ABCB5: variants seen among roughly 807,000 people sequenced by gnomAD.
The protein encoded by ABCB5 is ATP binding cassette subfamily B member 5.
A neutral mutation model predicts 144.2 loss-of-function variants in ABCB5; 155 were observed. The observed-to-expected ratio is 1.08, with a 90% CI of 0.94 to 1.23. The LOEUF (loss-of-function observed/expected upper bound fraction) is 1.23. Ranked by LOEUF, ABCB5 falls within the 50% of genes most tolerant of loss-of-function variation. The pLI, the probability that ABCB5 is intolerant of heterozygous loss-of-function variation, is 0.00. For missense variants in ABCB5, 1,830 were observed against 1,520.8 expected (o/e 1.20, Z -3.38); for synonymous variants, 610 against 528.6 (o/e 1.15, Z -2.11).
chr7:20,717,360 C>A (rs1400511650), intron 20 of ABCB5, among the ~76,000 whole-genome samples: 1 of 151,720 alleles, frequency 6.6e-6, no homozygotes, highest in East Asian at 1.9e-4. Context: ...AGGGCCTTGG[C>A]TTGTAGTTGG....
At chr7:20,618,264 C>A (rs1014519610) in intron 1 of ABCB5, among the ~76,000 whole-genome samples, 3 of 152,130 alleles carry the variant, frequency 2.0e-5, no homozygotes, top group Non-Finnish European at 4.4e-5. Flanking sequence ...GATTTGCCTG[C>A]TCTAGGCACT....
rs552222606 is a variant in ABCB5 at position 20,671,318 on chromosome 7, T to C, written c.1708-10187T>C. Among the ~76,000 whole-genome samples, 9 of 152,234 alleles carry C rather than the reference T, an allele frequency of 5.9e-5. No homozygotes were observed. The South Asian group carries it at 1.9e-3, about 31-fold the overall frequency. On this transcript the variant is annotated intron_variant, in intron 14 of 27. Coordinates refer to ENST00000404938, the MANE Select transcript of ABCB5 (RefSeq NM_001163941.2). ...TTCTTTTATTTGACTTTGATTTTTGTTTTTAACAGTTTTTTGAGGTTTCAT... is the reference window on the plus strand; with the variant it reads ...TTCTTTTATTTGACTTTGATTTTTGCTTTTAACAGTTTTTTGAGGTTTCAT...
At chr7:20,665,655 C>T (rs1059006) in intron 14 of ABCB5, among the ~76,000 whole-genome samples, 28,044 of 151,366 alleles carry the variant, frequency 0.19, 2,650 homozygotes, top group East Asian at 0.23. Context: ...CAGGTAGGGC[C>T]GTACCCCCAA....
intron 16 of ABCB5, among the ~76,000 whole-genome samples, chr7:20,690,650 G>A (rs1277590452): frequency 6.6e-6 from 1 of 152,118 alleles, no homozygotes; most frequent in Non-Finnish European, 1.5e-5. Flanking sequence ...GATGGAGGCT[G>A]AATAATGAAC....
At chr7:20,736,915 C>A (rs35621824) in intron 23 of ABCB5, among the ~76,000 whole-genome samples, 53,083 of 151,974 alleles carry the variant, frequency 0.35, 9,900 homozygotes, top group East Asian at 0.57. Flanking sequence ...CTAGGCCGGG[C>A]GCAGTGGCTC....
intron 1 of ABCB5, among the ~76,000 whole-genome samples, chr7:20,617,780 C>T (rs1022805042): frequency 6.6e-6 from 1 of 151,946 alleles, no homozygotes; most frequent in African/African-American, 2.4e-5. Flanking sequence ...AGAGATAATC[C>T]TGCAAATATT....
At chr7:20,712,111 G>A (rs1787094402) in intron 20 of ABCB5, among the ~76,000 whole-genome samples, 1 of 134,150 alleles carries the variant, frequency 7.5e-6, no homozygotes, top group Non-Finnish European at 1.6e-5. Flanking sequence ...CATGCTGGCA[G>A]GCACCTGTAG....
chr7:20,665,018 T>C (rs180951159), intron 14 of ABCB5, among the ~76,000 whole-genome samples: 1 of 152,338 alleles, frequency 6.6e-6, no homozygotes, highest in East Asian at 1.9e-4. Flanking sequence ...ATTCTTAACC[T>C]TCATGTTAAC....
At chr7:20,716,983 C>A (rs1026475756) in intron 20 of ABCB5, among the ~76,000 whole-genome samples, 1 of 152,142 alleles carries the variant, frequency 6.6e-6, no homozygotes, top group Non-Finnish European at 1.5e-5. Context: ...AAACACCTAC[C>A]GACAAAGCCC....
At chr7:20,693,333 C>A (rs551471886) in intron 16 of ABCB5, among the ~76,000 whole-genome samples, 1 of 151,660 alleles carries the variant, frequency 6.6e-6, no homozygotes, top group South Asian at 2.1e-4. Context: ...ATTACCGTAC[C>A]CCATGTTGGG....
At chr7:20,732,983 G>T (rs1375895925) in intron 23 of ABCB5, among the ~76,000 whole-genome samples, 3 of 152,094 alleles carry the variant, frequency 2.0e-5, no homozygotes, top group East Asian at 3.8e-4. Context: ...TCTTTACTCA[G>T]TTTTAAGTAT....
intron 7 of ABCB5, among the ~76,000 whole-genome samples, chr7:20,644,616 A>G (rs766040985): frequency 7.9e-5 from 12 of 152,202 alleles, no homozygotes; most frequent in Admixed American, 5.2e-4. Flanking sequence ...CTGTAATATT[A>G]TTCTTCAAAT....
At chr7:20,731,369 A>AAAAAAAAAAAAAAATATAT (rs57305244) in intron 23 of ABCB5, among the ~76,000 whole-genome samples, 9 of 123,066 alleles carry the variant, frequency 7.3e-5, no homozygotes, top group African/African-American at 3.0e-4. Context: ...AAAAAAAAAA[A>AAAAAAAAAAAAAAATATAT]ATATATATAT....
intron 14 of ABCB5, among the ~76,000 whole-genome samples, chr7:20,663,854 T>C (rs1170617675): frequency 6.6e-6 from 1 of 151,950 alleles, no homozygotes; most frequent in Non-Finnish European, 1.5e-5. Context: ...TAGCTGGGAT[T>C]ACAGGCACAC....
intron 14 of ABCB5, among the ~76,000 whole-genome samples, chr7:20,674,305 T>A (rs531638048): frequency 6.6e-6 from 1 of 151,972 alleles, no homozygotes; most frequent in African/African-American, 2.4e-5. Context: ...ACAGTCCCAC[T>A]ACTGATGAAT....
chr7:20,679,471 CAAAAAAAA>C (rs768696376), intron 14 of ABCB5, among the ~76,000 whole-genome samples: 1 of 59,454 alleles, frequency 1.7e-5, no homozygotes, highest in African/African-American at 8.3e-5. Context: ...AACTCCATCT[CAAAAAAAA>C]AAAAAAAGAG....
At chr7:20,717,863 GGTAACATTCTT>G (rs1372531638) in intron 20 of ABCB5, among the ~76,000 whole-genome samples, 3 of 134,284 alleles carry the variant, frequency 2.2e-5, no homozygotes, top group Admixed American at 1.6e-4. Context: ...CTCCAAATAC[GGTAACATTCTT>G]GTAACATTCT....
At chr7:20,648,232 T>C (rs1024881508) in intron 11 of ABCB5, among the ~76,000 whole-genome samples, 154 bp downstream of exon 11, 2 of 152,164 alleles carry the variant, frequency 1.3e-5, no homozygotes, top group Non-Finnish European at 2.9e-5. Flanking sequence ...AATGGACAAA[T>C]AACTCTGGAT....
chr7:20,625,498 A>T (rs1783889590), intron 2 of ABCB5, among the ~76,000 whole-genome samples: 1 of 152,216 alleles, frequency 6.6e-6, no homozygotes, highest in South Asian at 2.1e-4. Flanking sequence ...GAAATTTTCA[A>T]AAAGGGAGAC....
Sources: allele counts gnomAD v4.1 joint callset (sites outside exome capture counted in the v4.1 genomes callset), GRCh38; gene constraint gnomAD v4.1.1; transcripts MANE v1.5; gene names NCBI Gene and HGNC (gene_info 2026-07-23, HGNC 2026-07-21).